ZFYVE9: variants seen among roughly 807,000 people sequenced by gnomAD.
The protein encoded by ZFYVE9 is zinc finger FYVE-type containing 9, also known as zinc finger FYVE domain-containing protein 9.
Under a neutral mutation model 126.7 loss-of-function variants are expected in ZFYVE9, and 43 were observed. The observed-to-expected ratio is 0.34, with a 90% CI of 0.27 to 0.44. The LOEUF (loss-of-function observed/expected upper bound fraction) is 0.44, where lower values mean the gene tolerates loss of function less well. Among genes scored for constraint, ZFYVE9 ranks in the 20% least tolerant of loss-of-function variants. The pLI, the probability that ZFYVE9 is intolerant of heterozygous loss-of-function variation, is 1.00. For missense variants in ZFYVE9, 1,476 were observed against 1,697.0 expected (o/e 0.87, Z 2.29); for synonymous variants, 521 against 597.4 (o/e 0.87, Z 1.87).
At chr1:52,314,400 G>C (rs1039809228) in intron 13 of ZFYVE9, among the ~76,000 whole-genome samples, 9 of 152,194 alleles carry the variant, frequency 5.9e-5, no homozygotes, top group Non-Finnish European at 1.0e-4. Context: ...AATGAAGGCA[G>C]GCTGGGCGCA....
intron 1 of ZFYVE9, among the ~76,000 whole-genome samples, chr1:52,183,335 G>A (rs2124544622): frequency 6.6e-6 from 1 of 152,244 alleles, no homozygotes. Flanking sequence ...TATGTTTGTT[G>A]TAACTTATAG....
intron 4 of ZFYVE9, chr1:52,253,688 G>A (rs530853028): frequency 1.1e-5 from 18 of 1,602,296 alleles, no homozygotes; most frequent in African/African-American, 8.0e-5. Flanking sequence ...GGAACAGTAC[G>A]GGAAATTGGG....
rs34479038 is a variant in ZFYVE9, at chr1:52,326,693, CA to C, written c.3439-6054del. On this transcript the variant is annotated intron_variant, in intron 13 of 18. Coordinates refer to ENST00000287727, the MANE Select transcript of ZFYVE9 (RefSeq NM_004799.4). ...GTGAAACCCTGTCTCTACTCAATAC[CA>C]AAAAAAAAAAAAAAAAAAAATAGCT... Among the ~76,000 whole-genome samples, 872 of 102,914 alleles carry C rather than the reference CA, an allele frequency of 8.5e-3. 12 individuals are homozygous for C. The highest frequency in any genetic ancestry group is 0.033 in the African/African-American group (811 of 24,908). 67.5% of individuals were successfully genotyped at this position (102,914 alleles called of 152,430 possible). A position where few individuals can be genotyped will look rare whatever the true frequency, so the allele number is the denominator to read the frequency against.
chr1:52,301,910 T>C (rs1646039262), intron 12 of ZFYVE9, among the ~76,000 whole-genome samples: 1 of 152,214 alleles, frequency 6.6e-6, no homozygotes, highest in South Asian at 2.1e-4. Flanking sequence ...TGCTGTGCTC[T>C]CAATTTCACT....
chr1:52,158,441 G>A (rs188189029), intron 1 of ZFYVE9, among the ~76,000 whole-genome samples: 7 of 152,184 alleles, frequency 4.6e-5, no homozygotes, highest in South Asian at 2.1e-4. Context: ...GTGCTGCTGC[G>A]CAGCAGGGAG....
At chr1:52,244,601 C>CT (rs1638462525) in intron 4 of ZFYVE9, among the ~76,000 whole-genome samples, 1 of 152,098 alleles carries the variant, frequency 6.6e-6, no homozygotes, top group South Asian at 2.1e-4. Context: ...AAAGTAAAGC[C>CT]TAATAGTGAA....
At chr1:52,283,568 T>C (rs112879364) in intron 10 of ZFYVE9, among the ~76,000 whole-genome samples, 7 of 152,310 alleles carry the variant, frequency 4.6e-5, no homozygotes, top group African/African-American at 1.7e-4. Context: ...CATGCATGAA[T>C]CTCACAGACA....
In ZFYVE9 at chr1:52,278,076, A is replaced by T. The variant is rs531400737; in HGVS notation, c.2747-416A>T. 7.2e-5 allele frequency among the ~76,000 whole-genome samples: 11 copies of T among 152,262 alleles called. No individual in the cohort carries two copies. In the South Asian group the frequency reaches 1.2e-3, roughly 17 times the overall value. ...AAAGGTAGGGCTCTCTTCTACCCCA[A>T]CTATTTGATATCCTTTCCAGAGGTA... On this transcript the variant is annotated intron_variant, in intron 8 of 18. Coordinates refer to ENST00000287727, the MANE Select transcript of ZFYVE9 (RefSeq NM_004799.4).
At chr1:52,207,266 A>G (rs1052012173) in intron 1 of ZFYVE9, among the ~76,000 whole-genome samples, 1 of 152,178 alleles carries the variant, frequency 6.6e-6, no homozygotes, top group African/African-American at 2.4e-5. Flanking sequence ...TTTAGTCCCA[A>G]TCGCAGATCA....
chr1:52,197,827 G>GA (rs1324673135), intron 1 of ZFYVE9, among the ~76,000 whole-genome samples: 1 of 152,154 alleles, frequency 6.6e-6, no homozygotes, highest in Non-Finnish European at 1.5e-5. Context: ...AGGTGGAGAG[G>GA]AGGATGCACA....
At chr1:52,236,659 A>G (rs989096049) in intron 3 of ZFYVE9, among the ~76,000 whole-genome samples, 3 of 152,208 alleles carry the variant, frequency 2.0e-5, no homozygotes, top group East Asian at 3.8e-4. Flanking sequence ...TTGGTAGACT[A>G]TAAGAATGTT....
At chr1:52,165,169 G>C (rs1256520878) in intron 1 of ZFYVE9, among the ~76,000 whole-genome samples, 8 of 152,042 alleles carry the variant, frequency 5.3e-5, no homozygotes, top group African/African-American at 1.9e-4. Flanking sequence ...AATGTTAAGG[G>C]ACCCCACTGC....
chr1:52,310,026 T>C (rs1390253982), intron 13 of ZFYVE9, among the ~76,000 whole-genome samples: 1 of 152,114 alleles, frequency 6.6e-6, no homozygotes, highest in Non-Finnish European at 1.5e-5. Context: ...TGGAGTACAG[T>C]GGTGGTGTGA....
chr1:52,150,255 G>A (rs1440090477), intron 1 of ZFYVE9: 5 of 152,268 alleles, frequency 3.3e-5, no homozygotes, highest in South Asian at 2.1e-4. Flanking sequence ...CCTGAGAGGG[G>A]GTGACCTCCT....
chr1:52,144,286 C>G (rs1558026009), intron 1 of ZFYVE9, among the ~76,000 whole-genome samples: 1 of 151,956 alleles, frequency 6.6e-6, no homozygotes, highest in Non-Finnish European at 1.5e-5. Flanking sequence ...GCCACTGACT[C>G]TAGCCTGGGC....
chr1:52,183,649 C>T (rs1037327223), intron 1 of ZFYVE9, among the ~76,000 whole-genome samples: 2 of 151,920 alleles, frequency 1.3e-5, no homozygotes, highest in African/African-American at 4.8e-5. Flanking sequence ...AGTACAGGTG[C>T]GTGCCACCAC....
At chr1:52,171,078 G>A (rs967684506) in intron 1 of ZFYVE9, among the ~76,000 whole-genome samples, 3 of 151,616 alleles carry the variant, frequency 2.0e-5, no homozygotes, top group Non-Finnish European at 4.4e-5. Context: ...GTATACATGT[G>A]CCATGCTGGT....
intron 4 of ZFYVE9, among the ~76,000 whole-genome samples, chr1:52,255,923 C>CA (rs2147788290): frequency 9.4e-6 from 1 of 106,706 alleles, no homozygotes; most frequent in African/African-American, 5.4e-5. Flanking sequence ...CTTTTCTTTT[C>CA]TTTTCTTTTC....
intron 1 of ZFYVE9, among the ~76,000 whole-genome samples, chr1:52,178,978 T>C (rs1644668927): frequency 6.6e-6 from 1 of 152,058 alleles, no homozygotes. Flanking sequence ...CTAATTTTTT[T>C]GTTTTTGTAG....
Sources: gnomAD v4.1 joint callset for allele counts (sites outside exome capture counted in the v4.1 genomes callset) on GRCh38, gnomAD v4.1.1 for gene constraint, MANE v1.5 for transcripts, NCBI Gene and HGNC (gene_info 2026-07-23, HGNC 2026-07-21) for gene names.